Variants in TMEM132D observed in about 807,000 individuals in gnomAD.
The protein encoded by TMEM132D is mature OL transmembrane protein.
Under a neutral mutation model 62.3 loss-of-function variants are expected in TMEM132D, and 21 were observed. The ratio of observed to expected loss-of-function variants is 0.34; its 90% CI spans 0.24 to 0.49. The LOEUF is 0.49. TMEM132D is among the 20% of genes least tolerant of loss of function. The pLI, the probability that TMEM132D is intolerant of heterozygous loss-of-function variation, is 0.99. For synonymous variants in TMEM132D, 621 were observed against 575.6 expected (o/e 1.08, Z -1.13); for missense variants, 1,346 against 1,402.8 (o/e 0.96, Z 0.65).
At chr12:129,251,379 AAAAAG>A (rs1432644348) in intron 4 of TMEM132D, among the ~76,000 whole-genome samples, 3 of 150,608 alleles carry the variant, frequency 2.0e-5, no homozygotes, top group African/African-American at 7.3e-5. Flanking sequence ...AAAAAAAAAA[AAAAAG>A]AAGAGAGAAA....
chr12:129,474,282 T>G (rs1270828591), intron 3 of TMEM132D, among the ~76,000 whole-genome samples: 1 of 152,182 alleles, frequency 6.6e-6, no homozygotes, highest in Non-Finnish European at 1.5e-5. Flanking sequence ...ACATTACATA[T>G]TTATCAATTT....
intron 5 of TMEM132D, among the ~76,000 whole-genome samples, chr12:129,203,489 T>C (rs112598524): frequency 3.3e-5 from 5 of 152,154 alleles, no homozygotes; most frequent in African/African-American, 1.2e-4. Context: ...CCTCCTGTGG[T>C]CCCAGGAAGC....
intron 3 of TMEM132D, among the ~76,000 whole-genome samples, chr12:129,375,020 CTT>C (rs1388265975): frequency 6.6e-6 from 1 of 152,194 alleles, no homozygotes; most frequent in Non-Finnish European, 1.5e-5. Context: ...AGTCTAAACA[CTT>C]AGGTTAACCA....
At chr12:129,580,465 ATCT>A (rs1178601447) in intron 2 of TMEM132D, among the ~76,000 whole-genome samples, 1 of 152,218 alleles carries the variant, frequency 6.6e-6, no homozygotes, top group Non-Finnish European at 1.5e-5. Flanking sequence ...ATCTACAGTC[ATCT>A]TCATTTAGTA....
At chr12:129,536,405 T>G (rs1000729709) in intron 2 of TMEM132D, among the ~76,000 whole-genome samples, 3 of 127,640 alleles carry the variant, frequency 2.4e-5, no homozygotes, top group Non-Finnish European at 3.5e-5. Context: ...GAGCATAAAA[T>G]AAGCTTCATT....
At chr12:129,747,949 A>T (rs550015931) in intron 1 of TMEM132D, among the ~76,000 whole-genome samples, 1 of 152,322 alleles carries the variant, frequency 6.6e-6, no homozygotes, top group Non-Finnish European at 1.5e-5. Context: ...CACCGCGGAC[A>T]GGCGACGCGT....
intron 3 of TMEM132D, among the ~76,000 whole-genome samples, chr12:129,428,789 A>C (rs1872567601): frequency 6.6e-6 from 1 of 152,228 alleles, no homozygotes. Flanking sequence ...ACTTGATGAG[A>C]ACCATGAATT....
At chr12:129,719,095 A>AG (rs1593133635) in intron 1 of TMEM132D, among the ~76,000 whole-genome samples, 3 of 127,122 alleles carry the variant, frequency 2.4e-5, no homozygotes, top group East Asian at 2.3e-4. Context: ...AAAAAAAAAA[A>AG]AAAAGAAAAA....
rs1225265877 is a variant in TMEM132D at position 129,701,809 on chromosome 12, A to G, written c.80-1111T>C. ...GTCAGTCACCATGTAATTATCTTTG[A>G]TTACTCGGACACTCATGGCTCCACC... is the stretch of plus-strand genomic sequence containing the variant. On this transcript the variant is annotated intron_variant, in intron 1 of 8. Transcript: ENST00000422113. 2.0e-5 allele frequency among the ~76,000 whole-genome samples: 3 copies of G among 152,156 alleles called. No homozygotes were observed. In the East Asian group the frequency reaches 5.8e-4, roughly 29 times the overall value.
At chr12:129,105,321 C>T (rs1875458450) in intron 5 of TMEM132D, among the ~76,000 whole-genome samples, 1 of 143,886 alleles carries the variant, frequency 6.9e-6, no homozygotes, top group African/African-American at 2.7e-5. Flanking sequence ...CATATTCTCA[C>T]TCACAGGTGG....
chr12:129,526,276 C>T (rs7965348), intron 3 of TMEM132D, among the ~76,000 whole-genome samples: 31,449 of 151,932 alleles, frequency 0.21, 3,523 homozygotes, highest in East Asian at 0.41. Flanking sequence ...CCCCAGGCTG[C>T]TCTTTTTTTC....
At position 129,411,535 on chromosome 12, in the gene TMEM132D, T is replaced by A. The variant is rs114187010; in HGVS notation, c.1116-73718A>T. ...GCCCAGCTAATTTTTAATTTTTTTT[T>A]ATAGAGACGGGGTCTTGCTATGTTG... On this transcript the variant is annotated intron_variant, in intron 3 of 8. Coordinates refer to ENST00000422113, the MANE Select transcript of TMEM132D (RefSeq NM_133448.3). Among the ~76,000 whole-genome samples the A allele has an allele frequency of 2.5e-3, 376 of 152,232 alleles. 1 individual carries two copies. The highest frequency in any genetic ancestry group is 8.3e-3 in the African/African-American group (346 of 41,530).
chr12:129,733,871 G>C (rs1042212124), intron 1 of TMEM132D, among the ~76,000 whole-genome samples: 7 of 152,140 alleles, frequency 4.6e-5, no homozygotes, highest in African/African-American at 1.2e-4. Flanking sequence ...CAGATGTGCC[G>C]CATGAGGCAT....
intron 3 of TMEM132D, among the ~76,000 whole-genome samples, chr12:129,354,364 C>T (rs536407168): frequency 1.3e-4 from 19 of 151,682 alleles, no homozygotes; most frequent in East Asian, 9.7e-4. Flanking sequence ...CGCTCCGTCA[C>T]GCAGGCTGGA....
At chr12:129,670,453 C>T (rs11614647) in intron 2 of TMEM132D, among the ~76,000 whole-genome samples, 23,684 of 152,054 alleles carry the variant, frequency 0.16, 2,203 homozygotes, top group Non-Finnish European at 0.21. Context: ...CTGGCACCAC[C>T]CAGATGCATA....
In TMEM132D at chr12:129,318,141, G is replaced by A. The variant is rs1413391814; in HGVS notation, c.1299+19493C>T. On this transcript the variant is annotated intron_variant, in intron 4 of 8. Coordinates refer to ENST00000422113, the MANE Select transcript of TMEM132D (RefSeq NM_133448.3). The stretch of plus-strand genomic sequence containing the variant: ...ACTAACCTCCTGAACTCTTTTTCAG[G>A]TAAATCAGAGATTTCTTCTTGGTTT... 3.9e-5 allele frequency among the ~76,000 whole-genome samples: 6 copies of A among 151,956 alleles called. No homozygotes were observed. The East Asian group carries it at 9.6e-4, about 24-fold the overall frequency.
At chr12:129,763,492 C>T (rs145600555) in intron 1 of TMEM132D, among the ~76,000 whole-genome samples, 1,905 of 149,172 alleles carry the variant, frequency 0.013, 18 homozygotes, top group Non-Finnish European at 0.021. Context: ...ACTTGGAACG[C>T]CAATAATTGA....
chr12:129,675,448 G>A (rs755135926), intron 2 of TMEM132D, among the ~76,000 whole-genome samples: 1 of 152,050 alleles, frequency 6.6e-6, no homozygotes, highest in Non-Finnish European at 1.5e-5. Flanking sequence ...CTAGATGATG[G>A]GTTGATGGGT....
chr12:129,466,466 C>G (rs116524729), intron 3 of TMEM132D, among the ~76,000 whole-genome samples: 1 of 151,996 alleles, frequency 6.6e-6, no homozygotes, highest in Non-Finnish European at 1.5e-5. Context: ...GCCACAGGCA[C>G]GCACTACTGT....
Sources: gnomAD v4.1 joint callset for allele counts (sites outside exome capture counted in the v4.1 genomes callset) on GRCh38, gnomAD v4.1.1 for gene constraint, MANE v1.5 for transcripts, NCBI Gene and HGNC (gene_info 2026-07-23, HGNC 2026-07-21) for gene names.